NUP50: variants seen among roughly 807,000 people sequenced by gnomAD.
NUP50 encodes the protein nucleoporin 50.
A neutral mutation model predicts 36.8 loss-of-function variants in NUP50; 14 were observed. The observed-to-expected ratio is 0.38, with a 90% CI of 0.25 to 0.59. The LOEUF is 0.59. NUP50 is among the 20% of genes least tolerant of loss of function. The pLI is 0.63. For missense variants in NUP50, 455 were observed against 564.6 expected (o/e 0.81, Z 1.97); for synonymous variants, 195 against 210.8 (o/e 0.93, Z 0.65).
At chr22:45,173,845 G>A (rs2074235743) in intron 3 of NUP50, among the ~76,000 whole-genome samples, 1 of 152,202 alleles carries the variant, frequency 6.6e-6, no homozygotes. Context: ...GCAACTAAGG[G>A]AAATTAAGTG....
intron 3 of NUP50, among the ~76,000 whole-genome samples, chr22:45,173,480 G>C (rs1263127802): frequency 3.9e-5 from 6 of 152,072 alleles, no homozygotes; most frequent in Non-Finnish European, 5.9e-5. Context: ...TTTAATTAAG[G>C]AGGAAATGGT....
intron 3 of NUP50, among the ~76,000 whole-genome samples, chr22:45,174,674 C>A (rs1225595927): frequency 6.9e-6 from 1 of 145,432 alleles, no homozygotes; most frequent in Non-Finnish European, 1.5e-5. Context: ...TATAGTTTGT[C>A]CATGAATCAT....
intron 1 of NUP50, among the ~76,000 whole-genome samples, chr22:45,167,327 C>T (rs1426927358): frequency 6.6e-6 from 1 of 152,140 alleles, no homozygotes; most frequent in East Asian, 1.9e-4. Flanking sequence ...CATAGCGGAG[C>T]TCTGGGTTGT....
At chr22:45,168,070 A>G (rs2074123175) in intron 1 of NUP50, 98 bp from the exon 2 acceptor site, 2 of 856,856 alleles carry the variant, frequency 2.3e-6, no homozygotes, top group Non-Finnish European at 3.7e-6. Flanking sequence ...AAAACCAGAG[A>G]TGTTTTTATC....
chr22:45,174,049 C>T (rs908826853), intron 3 of NUP50, among the ~76,000 whole-genome samples: 3 of 152,120 alleles, frequency 2.0e-5, no homozygotes, highest in Non-Finnish European at 2.9e-5. Flanking sequence ...TCATCTTGCC[C>T]TATGGAAGAG....
At position 45,184,713 on chromosome 22, in the gene NUP50, AAAGT is replaced by A; in HGVS notation, c.*59_*62del. On this transcript the variant is annotated 3_prime_UTR_variant, in exon 8 of 8. Coordinates refer to ENST00000347635, the MANE Select transcript of NUP50 (RefSeq NM_007172.4). ...GTTGCTGCTGCTTCCACCGCCCCTT[AAAGT>A]TAGTCAGTTTTTCTTCTCTTCTTTG... 1.1e-6 allele frequency: 1 copy of A among 873,530 alleles called. No individual in the cohort carries two copies. Among genetic ancestry groups the A allele is most frequent in the Non-Finnish European group, 1.6e-6 (1 of 644,328 alleles). 54.1% of individuals were successfully genotyped at this position (873,530 alleles called of 1,614,324 possible).
rs923181910 is a variant in NUP50, at chr22:45,187,345, G to C, written c.*2690G>C. ...GAAGGACAAGTCTGACTGTTCATAG[G>C]CTGATTTTCTTTAAGAGGATTATTC... On this transcript the variant is annotated 3_prime_UTR_variant, in exon 8 of 8. Transcript: ENST00000347635. 2.0e-5 allele frequency: 3 copies of C among 151,066 alleles called. No individual in the cohort carries two copies. Among genetic ancestry groups the C allele is most frequent in the African/African-American group, 7.3e-5 (3 of 40,972 alleles). 9.4% of individuals were successfully genotyped at this position (151,066 alleles called of 1,614,324 possible). A position where few individuals can be genotyped will look rare whatever the true frequency, so the allele number is the denominator to read the frequency against.
intron 3 of NUP50, among the ~76,000 whole-genome samples, chr22:45,174,265 C>T (rs1273252308): frequency 1.3e-5 from 2 of 151,878 alleles, no homozygotes; most frequent in Non-Finnish European, 2.9e-5. Flanking sequence ...GCAACCGCCG[C>T]CTCCTGAGCT....
chr22:45,175,296 A>G (rs1025579921), intron 3 of NUP50, among the ~76,000 whole-genome samples: 2 of 152,212 alleles, frequency 1.3e-5, no homozygotes, highest in African/African-American at 4.8e-5. Flanking sequence ...ACCTTGTTAA[A>G]ACAATCGAGT....
chr22:45,171,883 GATAA>G, intron 3 of NUP50, 200 bp downstream of exon 3: 1 of 499,014 alleles, frequency 2.0e-6, no homozygotes, highest in Non-Finnish European at 3.6e-6. Flanking sequence ...GAGGAAATAA[GATAA>G]ATATAGACAA....
chr22:45,165,406 T>C (rs2074079849), intron 1 of NUP50, among the ~76,000 whole-genome samples: 1 of 152,218 alleles, frequency 6.6e-6, no homozygotes, highest in African/African-American at 2.4e-5. Flanking sequence ...CGGCTAATTT[T>C]TTATTTCTAT....
chr22:45,169,401 T>C (rs867255393), intron 2 of NUP50, among the ~76,000 whole-genome samples: 12 of 152,052 alleles, frequency 7.9e-5, no homozygotes, highest in East Asian at 1.9e-4. Context: ...GCTGTACTTA[T>C]AGGATGTGGG....
At chr22:45,167,317 C>A (rs111245020) in intron 1 of NUP50, among the ~76,000 whole-genome samples, 2 of 152,194 alleles carry the variant, frequency 1.3e-5, no homozygotes, top group African/African-American at 4.8e-5. Flanking sequence ...GCACAACACT[C>A]ATAGCGGAGC....
At chr22:45,168,797 C>T (rs1336711002) in intron 2 of NUP50, among the ~76,000 whole-genome samples, 1 of 152,014 alleles carries the variant, frequency 6.6e-6, no homozygotes, top group Non-Finnish European at 1.5e-5. Context: ...GTTCCTTTTC[C>T]AGCAGAATAA....
intron 4 of NUP50, 124 bp from the exon 5 acceptor site, chr22:45,178,114 A>G: frequency 1.2e-6 from 1 of 863,018 alleles, no homozygotes; most frequent in Middle Eastern, 2.4e-4. Context: ...TGACAGAGCA[A>G]GACTGTCTTG....
chr22:45,178,986 G>C (rs1208251555), intron 5 of NUP50, 86 bp downstream of exon 5: 2 of 1,297,266 alleles, frequency 1.5e-6, no homozygotes, highest in East Asian at 2.4e-5. Flanking sequence ...CCAAATATGA[G>C]TCTGGATTCA....
intron 6 of NUP50, 34 bp from the exon 7 acceptor site, chr22:45,183,368 A>C: frequency 1.6e-6 from 2 of 1,256,366 alleles, no homozygotes; most frequent in Non-Finnish European, 2.3e-6. Flanking sequence ...TTCGTCCTTG[A>C]ATGCTTGATG....
At chr22:45,175,649 A>G (rs1440579684) in intron 3 of NUP50, among the ~76,000 whole-genome samples, 1 of 152,184 alleles carries the variant, frequency 6.6e-6, no homozygotes, top group Non-Finnish European at 1.5e-5. Context: ...AAAAATACAC[A>G]TAATATATTT....
chr22:45,170,923 A>G, intron 2 of NUP50: 1 of 1,246,188 alleles, frequency 8.0e-7, no homozygotes, highest in South Asian at 1.3e-5. Context: ...GTTAAGTTTA[A>G]TATGATCTGA....
Sources: allele counts gnomAD v4.1 joint callset (sites outside exome capture counted in the v4.1 genomes callset), GRCh38; gene constraint gnomAD v4.1.1; transcripts MANE v1.5; gene names NCBI Gene and HGNC (gene_info 2026-07-23, HGNC 2026-07-21).